GPR15LG: variants seen among roughly 807,000 people sequenced by gnomAD.
GPR15LG encodes the protein G protein-coupled receptor 15 ligand.
chr10:84,178,004 A>G, the GPR15LG span, among the ~76,000 whole-genome samples: 16 of 151,826 alleles, frequency 1.1e-4, no homozygotes, highest in African/African-American at 3.9e-4. Flanking sequence ...ACACCACACA[A>G]CCACACACAC....
chr10:84,178,750 A>G, the GPR15LG span, among the ~76,000 whole-genome samples: 1 of 152,244 alleles, frequency 6.6e-6, no homozygotes, highest in East Asian at 1.9e-4. Flanking sequence ...CTTCTGGAGA[A>G]TAAATCTAGG....
the GPR15LG span, among the ~76,000 whole-genome samples, chr10:84,175,938 G>C: frequency 1.3e-5 from 2 of 151,780 alleles, no homozygotes; most frequent in African/African-American, 4.8e-5. Context: ...GTCCAGGCTG[G>C]AGTGTAATGG....
the GPR15LG span, among the ~76,000 whole-genome samples, chr10:84,175,003 G>A: frequency 6.6e-6 from 1 of 152,042 alleles, no homozygotes; most frequent in Non-Finnish European, 1.5e-5. Flanking sequence ...TTATTTCCTT[G>A]CATGTAGAAT....
chr10:84,179,809 T>G, the GPR15LG span, among the ~76,000 whole-genome samples: 5 of 151,946 alleles, frequency 3.3e-5, no homozygotes, highest in African/African-American at 1.2e-4. Context: ...AAAAACATCT[T>G]CAAAAATCAA....
At chr10:84,179,454 T>C in the GPR15LG span, among the ~76,000 whole-genome samples, 2 of 152,180 alleles carry the variant, frequency 1.3e-5, no homozygotes, top group Admixed American at 1.3e-4. Context: ...TATGGACTGA[T>C]GCTGGGATTC....
the GPR15LG span, among the ~76,000 whole-genome samples, chr10:84,179,194 T>TC: frequency 6.6e-6 from 1 of 152,058 alleles, no homozygotes; most frequent in South Asian, 2.1e-4. Context: ...AGCCTCAGTC[T>TC]CCCCCTCTGT....
chr10:84,184,835 C>T, the GPR15LG span: 95 of 1,597,082 alleles, frequency 5.9e-5, no homozygotes, highest in Admixed American at 1.3e-3. Flanking sequence ...CAGCAGCCTC[C>T]TGTCTCCCCT....
At chr10:84,183,654 A>T in the GPR15LG span, among the ~76,000 whole-genome samples, 86 of 144,648 alleles carry the variant, frequency 5.9e-4, no homozygotes, top group African/African-American at 1.9e-3. Context: ...TTTATTATTT[A>T]TTTTTTTTTT....
the GPR15LG span, among the ~76,000 whole-genome samples, chr10:84,183,669 C>A: frequency 2.7e-5 from 4 of 150,750 alleles, no homozygotes; most frequent in Non-Finnish European, 4.4e-5. Context: ...TTTTTTGAGA[C>A]AAGGTTTCAC....
the GPR15LG span, among the ~76,000 whole-genome samples, chr10:84,176,107 C>T: frequency 2.6e-5 from 4 of 151,020 alleles, no homozygotes; most frequent in African/African-American, 4.9e-5. Context: ...AGGCTGGTCT[C>T]GAACACTCGA....
chr10:84,175,165 G>A, the GPR15LG span, among the ~76,000 whole-genome samples: 4 of 152,192 alleles, frequency 2.6e-5, no homozygotes, highest in Non-Finnish European at 5.9e-5. Flanking sequence ...TCTCTGAGTA[G>A]TGGGATTATA....
At chr10:84,176,623 G>A in the GPR15LG span, 1 of 1,296,478 alleles carries the variant, frequency 7.7e-7, no homozygotes, top group Admixed American at 1.7e-5. Flanking sequence ...CAGTGGCCAT[G>A]GGACCAGCCA....
chr10:84,183,066 T>A, the GPR15LG span, among the ~76,000 whole-genome samples: 5 of 152,290 alleles, frequency 3.3e-5, no homozygotes, highest in South Asian at 1.0e-3. Context: ...TATCACTTAT[T>A]TGTGGTTAAG....
At chr10:84,176,547 C>A in the GPR15LG span, 3 of 1,613,800 alleles carry the variant, frequency 1.9e-6, no homozygotes, top group Non-Finnish European at 2.5e-6. Context: ...GAGTCCCTAG[C>A]CCCAACTCAA....
the GPR15LG span, among the ~76,000 whole-genome samples, chr10:84,175,922 CTTG>C: frequency 1.3e-5 from 2 of 151,234 alleles, no homozygotes; most frequent in East Asian, 1.9e-4. Flanking sequence ...AGTTTTTGCT[CTTG>C]TTGTCCAGGC....
chr10:84,181,611 G>T, the GPR15LG span, among the ~76,000 whole-genome samples: 1 of 151,948 alleles, frequency 6.6e-6, no homozygotes, highest in Non-Finnish European at 1.5e-5. Flanking sequence ...TGCAAAGACA[G>T]CGTCTTACTA....
At chr10:84,175,858 G>A in the GPR15LG span, among the ~76,000 whole-genome samples, 3 of 151,748 alleles carry the variant, frequency 2.0e-5, no homozygotes. Context: ...CATAAAGTAT[G>A]TCCTTTATTC....
At chr10:84,174,575 T>C in the GPR15LG span, among the ~76,000 whole-genome samples, 2 of 142,368 alleles carry the variant, frequency 1.4e-5, no homozygotes, top group Non-Finnish European at 3.0e-5. Context: ...CTCACTGCAA[T>C]CTCCGCCTCC....
the GPR15LG span, among the ~76,000 whole-genome samples, chr10:84,174,143 A>G: frequency 6.6e-6 from 1 of 152,202 alleles, no homozygotes; most frequent in African/African-American, 2.4e-5. Flanking sequence ...CCCCAAATAC[A>G]TACCCAGCCT....
Sources: allele counts gnomAD v4.1 joint callset (sites outside exome capture counted in the v4.1 genomes callset), GRCh38; gene constraint gnomAD v4.1.1; transcripts MANE v1.5; gene names NCBI Gene and HGNC (gene_info 2026-07-23, HGNC 2026-07-21).